RNF144A: variants seen among roughly 807,000 people sequenced by gnomAD.
The protein encoded by RNF144A is ring finger protein 144A.
In RNF144A, 11 loss-of-function variants were observed where a neutral mutation model predicts 38.7. The observed-to-expected ratio is 0.28, with a 90% confidence interval of 0.18 to 0.47. The LOEUF (loss-of-function observed/expected upper bound fraction) is 0.47. Ranked by LOEUF, RNF144A falls within the 20% of genes least tolerant of loss-of-function variation. The pLI is 0.99. For missense variants in RNF144A, 316 were observed against 377.2 expected (o/e 0.84, Z 1.34); for synonymous variants, 149 against 143.9 (o/e 1.04, Z -0.25).
chr2:6,995,931 G>C (rs1351220005), intron 2 of RNF144A, among the ~76,000 whole-genome samples: 1 of 152,118 alleles, frequency 6.6e-6, no homozygotes, highest in Non-Finnish European at 1.5e-5. Flanking sequence ...CCCTTTATGT[G>C]ATCTCCCTTC....
At chr2:6,947,069 A>C (rs1345024499) in intron 2 of RNF144A, among the ~76,000 whole-genome samples, 1 of 152,190 alleles carries the variant, frequency 6.6e-6, no homozygotes, top group South Asian at 2.1e-4. Context: ...CTGTGTATGT[A>C]TGTGAACAAA....
In RNF144A at chr2:7,044,121, CT is replaced by C. The variant is rs898665243; in HGVS notation, c.*4364del. On this transcript the variant is annotated 3_prime_UTR_variant, in exon 9 of 9. Transcript: ENST00000320892. ...TGTGTCTTACGTAGTTTGTCCCCCCCTTTAGCAGGGATTCCTTTTTAAAGCT... is the reference window on the plus strand; with the variant it reads ...TGTGTCTTACGTAGTTTGTCCCCCCCTTAGCAGGGATTCCTTTTTAAAGCT... The C allele has an allele frequency of 3.0e-6, 3 of 985,704 alleles. No individual in the cohort carries two copies. Among genetic ancestry groups the C allele is most frequent in the Non-Finnish European group, 3.6e-6 (3 of 829,932 alleles). 61.1% of individuals were successfully genotyped at this position (985,704 alleles called of 1,614,324 possible).
At chr2:6,994,843 A>G (rs1325970422) in intron 2 of RNF144A, among the ~76,000 whole-genome samples, 3 of 152,216 alleles carry the variant, frequency 2.0e-5, no homozygotes, top group Admixed American at 6.5e-5. Flanking sequence ...CCAGACGCTG[A>G]AGGCCTGCGC....
downstream of RNF144A, among the ~76,000 whole-genome samples, chr2:7,044,345 T>G (rs1284637576): frequency 6.6e-6 from 1 of 152,054 alleles, no homozygotes; most frequent in Non-Finnish European, 1.5e-5. Context: ...GGATCTTATA[T>G]CACTGGGAAA....
chr2:7,035,881 C>T (rs1672639427), intron 8 of RNF144A, among the ~76,000 whole-genome samples: 1 of 152,190 alleles, frequency 6.6e-6, no homozygotes, highest in Non-Finnish European at 1.5e-5. Context: ...GAAGAATTGT[C>T]TTTGTTGCAT....
chr2:7,001,583 A>T (rs1670107824), intron 3 of RNF144A, among the ~76,000 whole-genome samples: 1 of 152,124 alleles, frequency 6.6e-6, no homozygotes. Context: ...AAGCTGAAGC[A>T]GGAAGACTGC....
At chr2:6,953,425 G>A (rs1666812326) in intron 2 of RNF144A, among the ~76,000 whole-genome samples, 2 of 152,126 alleles carry the variant, frequency 1.3e-5, no homozygotes, top group South Asian at 2.1e-4. Context: ...GCAAAACTGC[G>A]TCTCAAAAAA....
intron 2 of RNF144A, among the ~76,000 whole-genome samples, chr2:6,982,912 T>G (rs1456515027): frequency 3.3e-5 from 5 of 152,202 alleles, no homozygotes; most frequent in Admixed American, 2.6e-4. Context: ...TGAGGCCCCG[T>G]GAAATGGAAT....
intron 1 of RNF144A, among the ~76,000 whole-genome samples, chr2:6,926,208 G>C (rs1664854572): frequency 6.6e-6 from 1 of 152,252 alleles, no homozygotes; most frequent in Non-Finnish European, 1.5e-5. Context: ...AAGGCAGTGA[G>C]AGAGGAGGGG....
chr2:7,025,763 A>T (rs1572429934), intron 7 of RNF144A, among the ~76,000 whole-genome samples: 1 of 152,246 alleles, frequency 6.6e-6, no homozygotes, highest in African/African-American at 2.4e-5. Flanking sequence ...AGTCCAAGCA[A>T]ATCAAGTCGT....
At chr2:7,025,737 C>G (rs1671848406) in intron 7 of RNF144A, among the ~76,000 whole-genome samples, 1 of 152,162 alleles carries the variant, frequency 6.6e-6, no homozygotes, top group Admixed American at 6.5e-5. Context: ...TCTGTTGGAA[C>G]CATTGTAGCT....
In RNF144A at chr2:6,920,053, C is replaced by T. The variant is rs192261405; in HGVS notation, c.-212+2431C>T. On this transcript the variant is annotated intron_variant, in intron 1 of 8. Transcript: ENST00000320892. ...GGTTTGGGACTTTGAAGGGACCTCACACTGTTTGGCTGAAGCTGCTGAGGT... is the reference window on the plus strand; with the variant it reads ...GGTTTGGGACTTTGAAGGGACCTCATACTGTTTGGCTGAAGCTGCTGAGGT... 1.7e-3 allele frequency among the ~76,000 whole-genome samples: 265 copies of T among 152,330 alleles called. 1 individual carries two copies. Among genetic ancestry groups the T allele is most frequent in the Admixed American group, 7.4e-3 (113 of 15,306 alleles).
downstream of RNF144A, among the ~76,000 whole-genome samples, chr2:7,048,011 T>G (rs772672476): frequency 1.6e-4 from 25 of 152,298 alleles, no homozygotes; most frequent in Non-Finnish European, 2.5e-4. Context: ...CAGAGACTTG[T>G]CTCAGCCATG....
chr2:6,994,517 G>T (rs1572359094), intron 2 of RNF144A, among the ~76,000 whole-genome samples: 1 of 152,138 alleles, frequency 6.6e-6, no homozygotes, highest in South Asian at 2.1e-4. Context: ...ACAGTCATAA[G>T]CATAAGCATA....
At chr2:6,940,912 T>G (rs1049527403) in intron 1 of RNF144A, 36 bp from the exon 2 acceptor site, 4 of 152,432 alleles carry the variant, frequency 2.6e-5, no homozygotes, top group African/African-American at 4.8e-5. Flanking sequence ...TCCTCCCTGC[T>G]CCTCTAACTG....
downstream of RNF144A, among the ~76,000 whole-genome samples, chr2:7,073,086 C>T (rs115411769): frequency 0.016 from 2,418 of 152,282 alleles, 65 homozygotes; most frequent in African/African-American, 0.055. Context: ...CTACCCTGGC[C>T]GTACCGGACA....
intron 5 of RNF144A, among the ~76,000 whole-genome samples, chr2:7,016,566 T>A (rs1671152372): frequency 1.4e-5 from 2 of 147,512 alleles, no homozygotes; most frequent in African/African-American, 2.5e-5. Context: ...AAAAAAAAAA[T>A]CTCTCAAGCC....
At chr2:7,067,529 C>T (rs116594618) in intron 6 of RNF144A, among the ~76,000 whole-genome samples, 2,359 of 152,138 alleles carry the variant, frequency 0.016, 64 homozygotes, top group African/African-American at 0.054. Context: ...ACTGAGTTTC[C>T]GACTATTAAA....
chr2:6,956,451 C>A lies in RNF144A; in HGVS notation c.-12+15304C>A, dbSNP rs1177014411. Among the ~76,000 whole-genome samples, 5 of 152,340 alleles carry A rather than the reference C, an allele frequency of 3.3e-5. No homozygotes were observed. In the East Asian group the frequency reaches 9.6e-4, roughly 29 times the overall value. Reference sequence around the variant, plus strand: ...CCACACATCTTTTTGGATGTCATTTCTGTAGGTTGTTGCATAGATCCCCAT... The same window carrying A: ...CCACACATCTTTTTGGATGTCATTTATGTAGGTTGTTGCATAGATCCCCAT... On this transcript the variant is annotated intron_variant, in intron 2 of 8. Coordinates refer to ENST00000320892, the MANE Select transcript of RNF144A (RefSeq NM_014746.6).
Sources: gnomAD v4.1 joint callset for allele counts (sites outside exome capture counted in the v4.1 genomes callset) on GRCh38, gnomAD v4.1.1 for gene constraint, MANE v1.5 for transcripts, NCBI Gene and HGNC (gene_info 2026-07-23, HGNC 2026-07-21) for gene names.